The following GPC6 variants were observed in gnomAD, a reference collection of about 807,000 sequenced individuals.
GPC6 encodes the protein glypican-6.
In GPC6, 14 loss-of-function variants were observed where a neutral mutation model predicts 55.2. The ratio of observed to expected loss-of-function variants is 0.25; its 90% confidence interval spans 0.17 to 0.40. GPC6 has a LOEUF of 0.40. GPC6 is among the 10% of genes least tolerant of loss of function. The probability of loss-of-function intolerance (pLI) is 1.00; values close to 1 mark genes in which losing one functional copy is unlikely to be tolerated. For synonymous variants in GPC6, 278 were observed against 259.6 expected, an observed-to-expected ratio of 1.07 and a Z score of -0.68; for missense variants, 641 against 708.5, an observed-to-expected ratio of 0.90 and a Z score of 1.08.
chr13:93,930,262 TTGGAAACGAAAGG>T (rs1223286195), intron 3 of GPC6, among the ~76,000 whole-genome samples: 20 of 139,686 alleles, frequency 1.4e-4, no homozygotes, highest in African/African-American at 5.0e-4. Flanking sequence ...TTAAAGGTTA[TTGGAAACGAAAGG>T]TTTTTTTTTT....
intron 2 of GPC6, among the ~76,000 whole-genome samples, chr13:93,782,336 T>C (rs1177831250): frequency 6.6e-6 from 1 of 152,228 alleles, no homozygotes; most frequent in African/African-American, 2.4e-5. Flanking sequence ...TCATCGTTAC[T>C]AGACACTTAA....
At chr13:93,306,854 A>G (rs1878873969) in intron 1 of GPC6, among the ~76,000 whole-genome samples, 1 of 152,026 alleles carries the variant, frequency 6.6e-6, no homozygotes, top group South Asian at 2.1e-4. Flanking sequence ...TTTGACACAG[A>G]GCATATTTGT....
At chr13:93,622,902 A>T (rs1214524206) in intron 2 of GPC6, among the ~76,000 whole-genome samples, 1 of 152,086 alleles carries the variant, frequency 6.6e-6, no homozygotes, top group Non-Finnish European at 1.5e-5. Context: ...ATCTCTCCCC[A>T]TTCCCCACTT....
intron 1 of GPC6, among the ~76,000 whole-genome samples, chr13:93,503,204 C>G (rs1054708239): frequency 3.3e-5 from 5 of 152,106 alleles, no homozygotes; most frequent in African/African-American, 1.2e-4. Flanking sequence ...AAAGTTGAGT[C>G]TCAGGGAAGC....
intron 2 of GPC6, among the ~76,000 whole-genome samples, chr13:93,691,032 G>T (rs543645530): frequency 6.6e-6 from 1 of 151,800 alleles, no homozygotes; most frequent in African/African-American, 2.4e-5. Context: ...TAATCTATTC[G>T]CTTCAGCTTT....
intron 4 of GPC6, among the ~76,000 whole-genome samples, chr13:94,283,369 A>C (rs1892441830): frequency 6.6e-6 from 1 of 152,242 alleles, no homozygotes; most frequent in Admixed American, 6.5e-5. Context: ...TACATGACTT[A>C]TACATTAACT....
intron 3 of GPC6, among the ~76,000 whole-genome samples, chr13:93,965,632 G>A (rs1446129994): frequency 6.6e-6 from 1 of 152,066 alleles, no homozygotes; most frequent in Non-Finnish European, 1.5e-5. Flanking sequence ...GAGGTAAACT[G>A]AACTAGCCTG....
chr13:94,359,391 C>T (rs1173933467), intron 6 of GPC6, among the ~76,000 whole-genome samples: 1 of 152,020 alleles, frequency 6.6e-6, no homozygotes, highest in East Asian at 1.9e-4. Context: ...TCAGAAGTAG[C>T]TTCTAATGAG....
chr13:94,260,347 C>G (rs1221013846), intron 4 of GPC6, among the ~76,000 whole-genome samples: 2 of 152,124 alleles, frequency 1.3e-5, no homozygotes, highest in Non-Finnish European at 2.9e-5. Context: ...TATCAAAGTA[C>G]CACAGACTGG....
chr13:94,244,373 A>C (rs1024563167), intron 4 of GPC6, among the ~76,000 whole-genome samples: 12 of 152,150 alleles, frequency 7.9e-5, no homozygotes, highest in African/African-American at 2.4e-4. Context: ...AGGATCATAC[A>C]TGTCTAGCCT....
At chr13:94,398,758 A>G in intron 8 of GPC6, 117 bp downstream of exon 8, 1 of 827,852 alleles carries the variant, frequency 1.2e-6, no homozygotes, top group Non-Finnish European at 2.0e-6. Context: ...ATTCTTCCTC[A>G]GGCTGTGATT....
chr13:93,248,437 GT>G (rs74531292), intron 1 of GPC6, among the ~76,000 whole-genome samples: 31,345 of 137,002 alleles, frequency 0.23, 2,701 homozygotes, highest in Middle Eastern at 0.3. Context: ...CACAAAAAGT[GT>G]TTTTTTTTTT....
chr13:93,961,615 G>A (rs1879780526), intron 3 of GPC6, among the ~76,000 whole-genome samples: 1 of 152,166 alleles, frequency 6.6e-6, no homozygotes, highest in Non-Finnish European at 1.5e-5. Context: ...GTGATGAAGG[G>A]AAACATTAGC....
chr13:93,472,794 C>T lies in GPC6; in HGVS notation c.161-72469C>T, dbSNP rs78461475. Among the ~76,000 whole-genome samples the T allele has an allele frequency of 6.4e-3, 976 of 152,296 alleles. 8 individuals carry two copies. The highest frequency in any genetic ancestry group is 0.023 in the African/African-American group (943 of 41,554). ...TGCCATTCAGTAGGTCCGAGTTCTT[C>T]TCTTGCAACCAGGAAGAATGAGGTA... On this transcript the variant is annotated intron_variant, in intron 1 of 8. Coordinates refer to ENST00000377047, the MANE Select transcript of GPC6 (RefSeq NM_005708.5).
In GPC6 at chr13:93,231,380, C is replaced by CAT. The variant is rs1204996148; in HGVS notation, c.160+3779_160+3780dup. 3.9e-3 allele frequency among the ~76,000 whole-genome samples: 120 copies of CAT among 30,858 alleles called. 3 individuals are homozygous for CAT. Among genetic ancestry groups the CAT allele is most frequent in the East Asian group, 8.3e-3 (6 of 724 alleles). The allele number at this position is 30,858 out of a possible 152,430, so 20.2% of individuals were successfully genotyped here. On this transcript the variant is annotated intron_variant, in intron 1 of 8. Coordinates refer to ENST00000377047, the MANE Select transcript of GPC6 (RefSeq NM_005708.5). ...ATATACGTATATATATATATATATA[C>CAT]ATATATATATATATATGTATATATA...
rs542462718 is a variant in GPC6, at chr13:93,782,174, A to G, written c.320-47980A>G. Among the ~76,000 whole-genome samples, 7 of 152,220 alleles carry G rather than the reference A, an allele frequency of 4.6e-5. No homozygotes were observed. In the South Asian group the frequency reaches 1.5e-3, roughly 32 times the overall value. On this transcript the variant is annotated intron_variant, in intron 2 of 8. Coordinates refer to ENST00000377047, the MANE Select transcript of GPC6 (RefSeq NM_005708.5). ...TTAGATTCCATGTATGTGTGAGATC[A>G]CGTGATTTTTATCATTCTGTGCTTG... is the stretch of plus-strand genomic sequence containing the variant.
intron 1 of GPC6, among the ~76,000 whole-genome samples, chr13:93,447,505 G>A (rs1374623123): frequency 2.6e-5 from 4 of 152,134 alleles, no homozygotes; most frequent in Non-Finnish European, 5.9e-5. Context: ...GTTACGTGAT[G>A]AGGAAATCAA....
intron 1 of GPC6, among the ~76,000 whole-genome samples, chr13:93,488,514 T>C (rs1030960024): frequency 6.6e-6 from 1 of 152,190 alleles, no homozygotes; most frequent in Non-Finnish European, 1.5e-5. Flanking sequence ...CAAATGGTAT[T>C]TCTAGTTTTA....
intron 2 of GPC6, among the ~76,000 whole-genome samples, chr13:93,624,925 C>G (rs74633834): frequency 6.6e-6 from 1 of 152,154 alleles, no homozygotes; most frequent in Non-Finnish European, 1.5e-5. Context: ...ATTTAAATAG[C>G]TAGGAAATAT....
Sources: gnomAD v4.1 joint callset for allele counts (sites outside exome capture counted in the v4.1 genomes callset) on GRCh38, gnomAD v4.1.1 for gene constraint, MANE v1.5 for transcripts, NCBI Gene and HGNC (gene_info 2026-07-23, HGNC 2026-07-21) for gene names.